The following VRK3 variants were observed in gnomAD, a reference collection of about 807,000 sequenced individuals.
VRK3 encodes serine/threonine-protein kinase VRK3.
Under a neutral mutation model 60.4 loss-of-function variants are expected in VRK3, and 50 were observed. The ratio of observed to expected loss-of-function variants is 0.83; its 90% CI spans 0.66 to 1.05. The LOEUF is 1.05. Among genes scored for constraint, VRK3 ranks in the 50% least tolerant of loss-of-function variants. The pLI is 0.00. For synonymous variants in VRK3, 246 were observed against 227.8 expected, an observed-to-expected ratio of 1.08 and a Z score of -0.72; for missense variants, 549 against 585.3, an observed-to-expected ratio of 0.94 and a Z score of 0.64.
chr19:50,008,496 C>T (rs1006329698), intron 4 of VRK3, among the ~76,000 whole-genome samples: 1 of 152,208 alleles, frequency 6.6e-6, no homozygotes, highest in African/African-American at 2.4e-5. Flanking sequence ...CACACTGCCA[C>T]TGTGGCTGTG....
In VRK3 at chr19:49,989,779, C is replaced by T. The variant is rs374344169; in HGVS notation, c.964-8G>A. 9.9e-6 allele frequency: 16 copies of T among 1,608,042 alleles called. No homozygotes were observed. The African/African-American group carries it at 2.0e-4, about 20-fold the overall frequency. On this transcript the variant is annotated splice_region_variant and splice_polypyrimidine_tract_variant and intron_variant, in intron 10 of 14. Coordinates refer to ENST00000316763, the MANE Select transcript of VRK3 (RefSeq NM_016440.4). ...ATAGCCTGCCAAAGTCACCTGTGGA[C>T]ACAGGGAAAAGCCATACAGATTGGA...
Position 50,009,308 on chromosome 19 carries a change from G to A in VRK3, c.217C>T (p.Arg73Ter), listed in dbSNP as rs570660009. 3.0e-5 allele frequency: 48 copies of A among 1,614,118 alleles called. No homozygotes were observed. The South Asian group carries it at 4.1e-4, about 14-fold the overall frequency. Residue 73 changes from arginine (R) to a stop codon, truncating the protein, a stop_gained, in exon 4 of 15, where the codon CGA becomes TGA. Coordinates refer to ENST00000316763, the MANE Select transcript of VRK3 (RefSeq NM_016440.4). LOFTEE classifies it high-confidence loss of function. ...TCACCATCTGAGAAGAGGGATAATC[G>A]GGGAGAGGTGACGGTGCTGGACCAT... is the stretch of plus-strand genomic sequence containing the variant. ...VKWSSTVTSP[R>*]LSLFSDGDSS...
chr19:49,981,155 A>G, intron 12 of VRK3, 142 bp from the exon 13 acceptor site: 1 of 749,960 alleles, frequency 1.3e-6, no homozygotes, highest in Non-Finnish European at 2.3e-6. Flanking sequence ...TCTTAAAGTC[A>G]CTGTGAACAC....
chr19:50,007,738 G>T lies in VRK3; in HGVS notation c.378C>A (p.Thr126=). The T allele has an allele frequency of 5.0e-6, 8 of 1,612,856 alleles. No homozygotes were observed. The highest frequency in any genetic ancestry group is 6.8e-6 in the Non-Finnish European group (8 of 1,179,956). The change falls in exon 5 of 15, where the codon ACC becomes ACA. Residue 126 remains threonine, a synonymous_variant. Coordinates refer to ENST00000316763, the MANE Select transcript of VRK3 (RefSeq NM_016440.4). Reference sequence around the variant, plus strand: ...GCCTGGTCTTCTGAGGGCTACAGCTGGTCTTCTGAGGGCTACCCCTGGTCA... The same window carrying T: ...GCCTGGTCTTCTGAGGGCTACAGCTTGTCTTCTGAGGGCTACCCCTGGTCA... The part of the protein sequence containing the change: ...PQVTRGSPQK[T]SCSPQKTRQS...
chr19:49,991,024 G>A (rs2076601999), intron 10 of VRK3, among the ~76,000 whole-genome samples: 1 of 152,098 alleles, frequency 6.6e-6, no homozygotes, highest in African/African-American at 2.4e-5. Flanking sequence ...CTGGGCTCAA[G>A]CGATCCGATC....
chr19:50,010,638 C>T lies in VRK3; in HGVS notation c.140-1253G>A, dbSNP rs185461630. 2.5e-3 allele frequency among the ~76,000 whole-genome samples: 382 copies of T among 152,288 alleles called. 6 individuals are homozygous for T. The highest frequency in any genetic ancestry group is 9.1e-4 in the Non-Finnish European group (62 of 68,020). Reference sequence around the variant, plus strand: ...TTAGGAACTCTCCAAGAAGGCTGGGCGTGGTGGCTCATGCCTGTAATCCCA... The same window carrying T: ...TTAGGAACTCTCCAAGAAGGCTGGGTGTGGTGGCTCATGCCTGTAATCCCA... On this transcript the variant is annotated intron_variant, in intron 3 of 14. Transcript: ENST00000316763.
chr19:49,977,360 C>T (rs1457648277), intron 14 of VRK3, among the ~76,000 whole-genome samples: 1 of 152,068 alleles, frequency 6.6e-6, no homozygotes, highest in South Asian at 2.1e-4. Flanking sequence ...TCGTTATGTT[C>T]CCAACCAAGG....
At chr19:50,012,477 A>G (rs2077010709) in intron 3 of VRK3, among the ~76,000 whole-genome samples, 1 of 152,090 alleles carries the variant, frequency 6.6e-6, no homozygotes, top group African/African-American at 2.4e-5. Context: ...TCTTACTATA[A>G]TCCTCGGGAC....
At chr19:49,979,357 C>A in intron 13 of VRK3, 115 bp from the exon 14 acceptor site, 2 of 1,444,356 alleles carry the variant, frequency 1.4e-6, no homozygotes, top group Non-Finnish European at 1.9e-6. Flanking sequence ...ATGAGGGTCT[C>A]AGCAAAAGTG....
chr19:49,984,072 T>C (rs2076471397), intron 12 of VRK3, among the ~76,000 whole-genome samples: 1 of 152,154 alleles, frequency 6.6e-6, no homozygotes, highest in Admixed American at 6.5e-5. Flanking sequence ...ACCCTCTCTG[T>C]GAACCAGTCA....
intron 13 of VRK3, among the ~76,000 whole-genome samples, chr19:49,979,885 A>AG (rs200204653): frequency 0.053 from 8,062 of 151,602 alleles, 709 homozygotes; most frequent in African/African-American, 0.19. Flanking sequence ...CTACTAAAAA[A>AG]AAAAAATACA....
intron 5 of VRK3, among the ~76,000 whole-genome samples, chr19:50,001,591 C>T (rs1487089692): frequency 6.6e-6 from 1 of 152,206 alleles, no homozygotes; most frequent in Non-Finnish European, 1.5e-5. Flanking sequence ...CCTGAGGCAG[C>T]TCCCCATAAG....
At chr19:49,989,176 G>A (rs2076567918) in intron 11 of VRK3, among the ~76,000 whole-genome samples, 1 of 152,108 alleles carries the variant, frequency 6.6e-6, no homozygotes, top group Admixed American at 6.5e-5. Flanking sequence ...GTGAGAAAGA[G>A]GGGCTCAAGA....
intron 12 of VRK3, chr19:49,987,914 G>C (rs2076544482): frequency 6.5e-6 from 1 of 154,712 alleles, no homozygotes; most frequent in Admixed American, 6.3e-5. Flanking sequence ...GTGTTAGTCA[G>C]GATGGTCTCG....
rs10409482 is a variant in VRK3 at position 49,994,821 on chromosome 19, C to T, written c.863G>A (p.Cys288Tyr). Residue 288 changes from cysteine to tyrosine, a missense_variant, in exon 9 of 15, where the codon TGC becomes TAC. Transcript: ENST00000316763. Reference protein sequence around the residue: ...LSERSVLQVACRLLDALEFLH... With the variant: ...LSERSVLQVAYRLLDALEFLH... ...CAACTTCTGGGTACGCACCAGCCGGCAGGCCACCTGCAGCACAGACCTCTC... is the reference window on the plus strand; with the variant it reads ...CAACTTCTGGGTACGCACCAGCCGGTAGGCCACCTGCAGCACAGACCTCTC... 15,917 of 1,613,058 alleles carry T rather than the reference C, an allele frequency of 9.9e-3. 1,374 individuals are homozygous for T. In the African/African-American group the frequency reaches 0.19, roughly 19 times the overall value.
intron 10 of VRK3, among the ~76,000 whole-genome samples, chr19:49,989,999 T>A (rs1416908133): frequency 6.6e-6 from 1 of 152,042 alleles, no homozygotes; most frequent in African/African-American, 2.4e-5. Flanking sequence ...TAACCACTAG[T>A]AACAGTTTCG....
intron 3 of VRK3, 49 bp from the exon 4 acceptor site, chr19:50,009,434 G>A: frequency 6.2e-7 from 1 of 1,603,788 alleles, no homozygotes; most frequent in South Asian, 1.1e-5. Flanking sequence ...AGGCCCCTCT[G>A]CAGGCACCAT....
At chr19:50,017,291 T>C (rs1016694763) in intron 2 of VRK3, among the ~76,000 whole-genome samples, 24 of 151,916 alleles carry the variant, frequency 1.6e-4, no homozygotes, top group African/African-American at 5.1e-4. Flanking sequence ...AGTGAAACTA[T>C]TGGCCGGGCA....
chr19:49,984,890 C>T (rs1035962735), intron 12 of VRK3, among the ~76,000 whole-genome samples: 4 of 152,188 alleles, frequency 2.6e-5, no homozygotes, highest in African/African-American at 9.7e-5. Context: ...TTCCAAACTG[C>T]TGAGATTACA....
Sources: allele counts gnomAD v4.1 joint callset (sites outside exome capture counted in the v4.1 genomes callset), GRCh38; gene constraint gnomAD v4.1.1; transcripts MANE v1.5; gene names NCBI Gene and HGNC (gene_info 2026-07-23, HGNC 2026-07-21).